The following STAG1 variants were observed in gnomAD, a reference collection of about 807,000 sequenced individuals.
The protein encoded by STAG1 is STAG1 cohesin complex component, also known as cohesin subunit SA-1.
In STAG1, 26 loss-of-function variants were observed where a neutral mutation model predicts 170.9. The observed-to-expected ratio is 0.15, with a 90% CI of 0.11 to 0.21. STAG1 has a LOEUF of 0.21. STAG1 is among the 10% of genes least tolerant of loss of function. The pLI is 1.00. For synonymous variants in STAG1, 514 were observed against 497.7 expected (o/e 1.03, Z -0.44); for missense variants, 964 against 1,509.5 (o/e 0.64, Z 5.99).
intron 5 of STAG1, among the ~76,000 whole-genome samples, chr3:136,563,971 C>T (rs1576611575): frequency 6.6e-6 from 1 of 151,482 alleles, no homozygotes; most frequent in African/African-American, 2.4e-5. Flanking sequence ...TGCAGTGAGC[C>T]GAGATCGCAC....
At chr3:136,710,893 A>G (rs759003209) in intron 1 of STAG1, among the ~76,000 whole-genome samples, 45 of 152,094 alleles carry the variant, frequency 3.0e-4, no homozygotes, top group Non-Finnish European at 5.4e-4. Flanking sequence ...CACCATCAGA[A>G]GCATTATTTG....
At chr3:136,501,266 A>C (rs554810353) in intron 8 of STAG1, among the ~76,000 whole-genome samples, 1 of 152,324 alleles carries the variant, frequency 6.6e-6, no homozygotes, top group East Asian at 1.9e-4. Flanking sequence ...TTACTTCTAT[A>C]ATATTTCAAG....
At chr3:136,468,579 C>A (rs2089536429) in intron 12 of STAG1, among the ~76,000 whole-genome samples, 1 of 152,184 alleles carries the variant, frequency 6.6e-6, no homozygotes, top group Admixed American at 6.5e-5. Context: ...ACCAGAGGTA[C>A]AAGGAGGAGC....
At chr3:136,712,924 C>G (rs941814297) in intron 1 of STAG1, among the ~76,000 whole-genome samples, 3 of 152,056 alleles carry the variant, frequency 2.0e-5, no homozygotes, top group Non-Finnish European at 2.9e-5. Context: ...AACTTCATCT[C>G]TACGAAAAAT....
At chr3:136,631,366 A>T (rs1940322299) in intron 1 of STAG1, among the ~76,000 whole-genome samples, 1 of 152,260 alleles carries the variant, frequency 6.6e-6, no homozygotes, top group South Asian at 2.1e-4. Context: ...AAAACTATGG[A>T]GCCAGTAAAA....
chr3:136,612,717 C>T (rs913830866), intron 3 of STAG1, among the ~76,000 whole-genome samples: 3 of 152,040 alleles, frequency 2.0e-5, no homozygotes, highest in East Asian at 3.9e-4. Context: ...CTTTTAGTGG[C>T]CAAATAGGTC....
At position 136,443,342 on chromosome 3, in the gene STAG1, T is replaced by C; in HGVS notation, c.1491A>G (p.Lys497=). The C allele has an allele frequency of 6.2e-7, 1 of 1,613,992 alleles. No homozygotes were observed. The highest frequency in any genetic ancestry group is 8.5e-7 in the Non-Finnish European group (1 of 1,179,964). Reference sequence around the variant, plus strand: ...GCAACTCTGTCATACATTCCCAGTCTTTCAACAGTTCTTGAGAGCTCTCCC... The same window carrying C: ...GCAACTCTGTCATACATTCCCAGTCCTTCAACAGTTCTTGAGAGCTCTCCC... ...SLWESSQELL[K]DWECMTELLL... is the part of the protein sequence containing the mutation. The change falls in exon 15 of 34, where the codon AAA becomes AAG. Residue 497 remains lysine, a synonymous_variant. Coordinates refer to ENST00000383202, the MANE Select transcript of STAG1 (RefSeq NM_005862.3).
intron 9 of STAG1, among the ~76,000 whole-genome samples, chr3:136,496,035 T>C (rs1381237467): frequency 2.0e-5 from 3 of 150,418 alleles, no homozygotes; most frequent in Non-Finnish European, 2.9e-5. Flanking sequence ...TCCCAGCTAC[T>C]TGGGAGGCTG....
At chr3:136,714,976 AT>A (rs1173297855) in intron 1 of STAG1, among the ~76,000 whole-genome samples, 79 of 108,780 alleles carry the variant, frequency 7.3e-4, no homozygotes, top group Non-Finnish European at 1.0e-3. Flanking sequence ...TTATATATAT[AT>A]TTTTATATAT....
intron 1 of STAG1, among the ~76,000 whole-genome samples, chr3:136,669,291 T>C (rs1576741920): frequency 6.6e-6 from 1 of 152,220 alleles, no homozygotes; most frequent in African/African-American, 2.4e-5. Context: ...TATTGGGTGG[T>C]GAAATTAATA....
At chr3:136,743,156 C>T (rs1040788585) in intron 1 of STAG1, among the ~76,000 whole-genome samples, 5 of 152,008 alleles carry the variant, frequency 3.3e-5, no homozygotes, top group African/African-American at 4.8e-5. Context: ...AGCTTGAGGC[C>T]AGGAATTCAA....
chr3:136,627,410 TCTCTC>T (rs759116454), intron 2 of STAG1, among the ~76,000 whole-genome samples: 1 of 152,308 alleles, frequency 6.6e-6, no homozygotes, highest in Non-Finnish European at 1.5e-5. Context: ...TCTGTCTCTC[TCTCTC>T]AAAATATAAA....
At position 136,417,929 on chromosome 3, in the gene STAG1, T is replaced by G. The variant is rs746215517; in HGVS notation, c.2152A>C (p.Arg718=). 1 of 1,614,026 alleles carries G rather than the reference T, an allele frequency of 6.2e-7. No homozygotes were observed. The highest frequency in any genetic ancestry group is 1.3e-5 in the African/African-American group (1 of 75,060). ...TKWDLFGNCY[R]LLKTGIEHGA... Reference sequence around the variant, plus strand: ...TGTTCAATTCCAGTCTTCAATAATCTGTAGCAATTACCAAAGAGATCCCAT... The same window carrying G: ...TGTTCAATTCCAGTCTTCAATAATCGGTAGCAATTACCAAAGAGATCCCAT... The change falls in exon 21 of 34, where the codon AGA becomes CGA. Residue 718 remains arginine (R), a synonymous_variant. Coordinates refer to ENST00000383202, the MANE Select transcript of STAG1 (RefSeq NM_005862.3).
intron 12 of STAG1, among the ~76,000 whole-genome samples, chr3:136,471,121 A>G (rs77256254): frequency 8.2e-5 from 1 of 12,224 alleles, no homozygotes; most frequent in Non-Finnish European, 2.0e-4. Flanking sequence ...AAGTTAAATT[A>G]AAAAAAAAAA....
At chr3:136,627,997 T>C (rs1940179945) in intron 2 of STAG1, among the ~76,000 whole-genome samples, 1 of 152,212 alleles carries the variant, frequency 6.6e-6, no homozygotes, top group Admixed American at 6.5e-5. Context: ...ATTATATCTC[T>C]ATCATGCTGA....
intron 28 of STAG1, among the ~76,000 whole-genome samples, chr3:136,352,066 C>T (rs999854037): frequency 6.6e-6 from 1 of 151,948 alleles, no homozygotes; most frequent in South Asian, 2.1e-4. Flanking sequence ...AAATGACCAA[C>T]GAGAAAATAA....
chr3:136,462,133 A>G (rs1301731141), intron 13 of STAG1, among the ~76,000 whole-genome samples: 2 of 152,138 alleles, frequency 1.3e-5, no homozygotes, highest in Non-Finnish European at 2.9e-5. Context: ...GGAAAACAGT[A>G]TGGAAGTTAC....
chr3:136,390,126 C>T (rs891110967), intron 22 of STAG1, among the ~76,000 whole-genome samples: 32 of 152,208 alleles, frequency 2.1e-4, no homozygotes, highest in African/African-American at 6.7e-4. Flanking sequence ...TCACCACGCC[C>T]GGCCCCTTAT....
At chr3:136,705,277 CAAGT>C (rs1943196310) in intron 1 of STAG1, among the ~76,000 whole-genome samples, 3 of 151,646 alleles carry the variant, frequency 2.0e-5, no homozygotes, top group East Asian at 1.9e-4. Context: ...ACACCATGAA[CAAGT>C]AAGATTTAGC....
Sources: allele counts gnomAD v4.1 joint callset (sites outside exome capture counted in the v4.1 genomes callset), GRCh38; gene constraint gnomAD v4.1.1; transcripts MANE v1.5; gene names NCBI Gene and HGNC (gene_info 2026-07-23, HGNC 2026-07-21).